The following PLCB1 variants were observed in gnomAD, a reference collection of about 807,000 sequenced individuals.
PLCB1 encodes the protein 1-phosphatidylinositol 4,5-bisphosphate phosphodiesterase beta-1.
In PLCB1, 46 loss-of-function variants were observed where a neutral mutation model predicts 161.8. The observed-to-expected ratio is 0.28, with a 90% confidence interval of 0.22 to 0.36. The LOEUF (loss-of-function observed/expected upper bound fraction) is 0.36, where lower values mean the gene tolerates loss of function less well. PLCB1 is among the 10% of genes least tolerant of loss of function. The pLI is 1.00. For missense variants in PLCB1, 1,016 were observed against 1,472.5 expected (o/e 0.69, Z 5.07); for synonymous variants, 517 against 503.7 (o/e 1.03, Z -0.35).
At chr20:8,811,778 C>G (rs1414516988) in intron 31 of PLCB1, among the ~76,000 whole-genome samples, 1 of 152,378 alleles carries the variant, frequency 6.6e-6, no homozygotes, top group African/African-American at 2.4e-5. Flanking sequence ...GGCTGCTACA[C>G]TGAGGTGTCT....
intron 3 of PLCB1, among the ~76,000 whole-genome samples, chr20:8,568,244 TGC>T (rs1311878074): frequency 1.3e-5 from 2 of 152,214 alleles, no homozygotes; most frequent in Non-Finnish European, 2.9e-5. Flanking sequence ...ACATTCCTAT[TGC>T]TGTTGGTATT....
intron 3 of PLCB1, among the ~76,000 whole-genome samples, chr20:8,453,493 A>G (rs963206579): frequency 1.3e-5 from 2 of 152,222 alleles, no homozygotes; most frequent in Non-Finnish European, 2.9e-5. Flanking sequence ...TTTTCATTCA[A>G]TGAATGTGGA....
chr20:8,409,096 T>G (rs990046290), intron 3 of PLCB1, among the ~76,000 whole-genome samples: 3 of 152,164 alleles, frequency 2.0e-5, no homozygotes, highest in Non-Finnish European at 4.4e-5. Context: ...CCACATTCAC[T>G]TACCATGTGT....
chr20:8,815,893 T>C (rs1426997533), intron 31 of PLCB1, among the ~76,000 whole-genome samples: 1 of 152,154 alleles, frequency 6.6e-6, no homozygotes, highest in Non-Finnish European at 1.5e-5. Flanking sequence ...ATGTATAATA[T>C]GAAACAAAAC....
intron 9 of PLCB1, among the ~76,000 whole-genome samples, chr20:8,659,271 G>A (rs1888016178): frequency 6.6e-6 from 1 of 152,094 alleles, no homozygotes; most frequent in Non-Finnish European, 1.5e-5. Flanking sequence ...AAGTTACCTG[G>A]AAGTTTTTAA....
At chr20:8,469,622 GAAGAA>G (rs1189804427) in intron 3 of PLCB1, among the ~76,000 whole-genome samples, 10 of 152,020 alleles carry the variant, frequency 6.6e-5, no homozygotes, top group African/African-American at 1.9e-4. Context: ...TGAAATACTT[GAAGAA>G]AAGAGAGAAA....
intron 2 of PLCB1, among the ~76,000 whole-genome samples, chr20:8,363,181 A>G (rs956300394): frequency 2.0e-5 from 3 of 152,266 alleles, no homozygotes; most frequent in East Asian, 1.9e-4. Context: ...TTAGTTATCT[A>G]TTGCTTCATA....
At chr20:8,696,653 T>C (rs1990591713) in intron 10 of PLCB1, among the ~76,000 whole-genome samples, 1 of 152,180 alleles carries the variant, frequency 6.6e-6, no homozygotes, top group African/African-American at 2.4e-5. Flanking sequence ...TTTATTTGGG[T>C]CTTCTTTAGT....
chr20:8,148,832 C>T (rs902905638), intron 1 of PLCB1, among the ~76,000 whole-genome samples: 18 of 152,150 alleles, frequency 1.2e-4, no homozygotes, highest in Admixed American at 5.2e-4. Context: ...TATATAACTA[C>T]TTAGAATACT....
At chr20:8,183,172 C>A (rs2051865264) in intron 2 of PLCB1, among the ~76,000 whole-genome samples, 1 of 152,178 alleles carries the variant, frequency 6.6e-6, no homozygotes, top group Non-Finnish European at 1.5e-5. Context: ...CATCTGGCTT[C>A]ATCCTTGTAG....
chr20:8,501,537 A>G (rs1415145462), intron 3 of PLCB1, among the ~76,000 whole-genome samples: 4 of 152,190 alleles, frequency 2.6e-5, no homozygotes, highest in Non-Finnish European at 5.9e-5. Context: ...ACCTCTCTAG[A>G]GAAGCTTCTT....
chr20:8,232,229 G>A (rs202085774), intron 2 of PLCB1, among the ~76,000 whole-genome samples: 2 of 106,052 alleles, frequency 1.9e-5, no homozygotes, highest in Non-Finnish European at 1.9e-5. Context: ...TTAAAAAAGA[G>A]AGAGAGAGAG....
intron 12 of PLCB1, among the ~76,000 whole-genome samples, chr20:8,714,956 A>C (rs2207305): frequency 0.99 from 150,275 of 151,468 alleles, 74,550 homozygotes; most frequent in African/African-American, 1. Context: ...AAAAAAAAAA[A>C]AGCCCATGAT....
intron 9 of PLCB1, among the ~76,000 whole-genome samples, chr20:8,662,243 T>TTATATAATTCTATATATAA (rs1989679605): frequency 9.1e-6 from 1 of 110,262 alleles, no homozygotes; most frequent in African/African-American, 3.6e-5. Flanking sequence ...TATATAATTA[T>TTATATAATTCTATATATAA]TTATTATATA....
intron 3 of PLCB1, among the ~76,000 whole-genome samples, chr20:8,449,957 G>A (rs1255026853): frequency 2.0e-5 from 3 of 152,156 alleles, no homozygotes; most frequent in East Asian, 1.9e-4. Context: ...GCGTATTTGG[G>A]AATATTTCTG....
chr20:8,692,504 G>T (rs531307088), intron 10 of PLCB1, among the ~76,000 whole-genome samples: 1 of 152,316 alleles, frequency 6.6e-6, no homozygotes, highest in African/African-American at 2.4e-5. Context: ...GCCTTGGTTT[G>T]TTTGTAAAAT....
chr20:8,500,517 A>G (rs1983362753), intron 3 of PLCB1, among the ~76,000 whole-genome samples: 1 of 152,212 alleles, frequency 6.6e-6, no homozygotes, highest in Non-Finnish European at 1.5e-5. Context: ...CACAGGAGAA[A>G]CTGTACCTGA....
At chr20:8,758,428 A>T (rs965978541) in intron 24 of PLCB1, among the ~76,000 whole-genome samples, 1 of 151,932 alleles carries the variant, frequency 6.6e-6, no homozygotes, top group Admixed American at 6.6e-5. Context: ...CTAAAAATAC[A>T]TAAGTTAGCC....
Position 8,882,774 on chromosome 20 carries a change from A to C in PLCB1, c.*925A>C, listed in dbSNP as rs1332413863. On this transcript the variant is annotated 3_prime_UTR_variant, in exon 32 of 32. Transcript: ENST00000338037. ...GTTTGACATTTTTTATGGTTCATTTATTTTTAATATAGAGAGGAAGATTGA... is the reference window on the plus strand; with the variant it reads ...GTTTGACATTTTTTATGGTTCATTTCTTTTTAATATAGAGAGGAAGATTGA... 3 of 152,370 alleles carry C rather than the reference A, an allele frequency of 2.0e-5. No individual in the cohort carries two copies. In the East Asian group the frequency reaches 5.8e-4, roughly 29 times the overall value. 9.4% of individuals were successfully genotyped at this position (152,370 alleles called of 1,614,324 possible). A position where few individuals can be genotyped will look rare whatever the true frequency, so the allele number is the denominator to read the frequency against.
Sources: allele counts gnomAD v4.1 joint callset (sites outside exome capture counted in the v4.1 genomes callset), GRCh38; gene constraint gnomAD v4.1.1; transcripts MANE v1.5; gene names NCBI Gene and HGNC (gene_info 2026-07-23, HGNC 2026-07-21).